Variants in P2RX4 observed in about 807,000 individuals in gnomAD.
P2RX4 encodes the protein P2X purinoceptor 4.
Under a neutral mutation model 48.0 loss-of-function variants are expected in P2RX4, and 37 were observed. That is an observed-to-expected ratio of 0.77 (90% CI 0.59 to 1.01). The LOEUF (loss-of-function observed/expected upper bound fraction) is 1.01, where lower values mean the gene tolerates loss of function less well. P2RX4 is among the 50% of genes least tolerant of loss of function. The pLI is 0.00. For synonymous variants in P2RX4, 200 were observed against 199.7 expected, an observed-to-expected ratio of 1.00 and a Z score of -0.01; for missense variants, 501 against 521.4, an observed-to-expected ratio of 0.96 and a Z score of 0.38.
chr12:121,232,685 T>G lies in P2RX4; in HGVS notation c.1044+9T>G. 6 of 1,609,278 alleles carry G rather than the reference T, an allele frequency of 3.7e-6. No individual in the cohort carries two copies. Among genetic ancestry groups the G allele is most frequent in the Non-Finnish European group, 5.1e-6 (6 of 1,175,672 alleles). Reference sequence around the variant, plus strand: ...TGGCACTGCTAGGCATGGTGAGTGGTTTAGGCCCTGCCTTCACCCTCACGG... The same window carrying G: ...TGGCACTGCTAGGCATGGTGAGTGGGTTAGGCCCTGCCTTCACCCTCACGG... On this transcript the variant is annotated intron_variant, in intron 10 of 11. Transcript: ENST00000337233. This position sits in a 1 kb window ranked among gnomAD's most constrained non-coding sequence, Gnocchi z 4.3.
intron 5 of P2RX4, among the ~76,000 whole-genome samples, chr12:121,226,232 T>G (rs1465318547): frequency 6.6e-6 from 1 of 152,048 alleles, no homozygotes. Context: ...AAATGATTTT[T>G]AAGTGCACAC....
At chr12:121,224,895 A>G (rs1046431051) in intron 5 of P2RX4, among the ~76,000 whole-genome samples, 1 of 152,078 alleles carries the variant, frequency 6.6e-6, no homozygotes, top group African/African-American at 2.4e-5. Flanking sequence ...GCTAAGGCAA[A>G]GGAAGGAGAT....
chr12:121,218,664 C>T (rs1006711377), intron 2 of P2RX4, among the ~76,000 whole-genome samples: 5 of 152,212 alleles, frequency 3.3e-5, no homozygotes, highest in South Asian at 2.1e-4. Context: ...GCACAAGCCC[C>T]GCTTTTGTCC....
At chr12:121,210,323 C>T in intron 1 of P2RX4, 25 bp downstream of exon 1, 1 of 1,491,838 alleles carries the variant, frequency 6.7e-7, no homozygotes. Context: ...GCGCGGGGGG[C>T]GCGGCGGGTG....
intron 2 of P2RX4, 63 bp downstream of exon 2, chr12:121,217,344 CTTGA>C: frequency 6.5e-7 from 1 of 1,537,948 alleles, no homozygotes; most frequent in South Asian, 1.1e-5. Context: ...ACTTTGCACA[CTTGA>C]TTAATGATTG....
At position 121,210,352 on chromosome 12, in the gene P2RX4, C is replaced by G. The variant is rs924496410; in HGVS notation, c.134+54C>G. 6 of 1,405,524 alleles carry G rather than the reference C, an allele frequency of 4.3e-6. No homozygotes were observed. The Middle Eastern group carries it at 7.8e-4, about 182-fold the overall frequency. 87.1% of individuals were successfully genotyped at this position (1,405,524 alleles called of 1,614,324 possible). ...GCGGGTGCTGCCCTCGCGTCCGCGCCGTGCGGCGGCTCATCCTGGCCTCGG... is the reference window on the plus strand; with the variant it reads ...GCGGGTGCTGCCCTCGCGTCCGCGCGGTGCGGCGGCTCATCCTGGCCTCGG... On this transcript the variant is annotated intron_variant, in intron 1 of 11. Coordinates refer to ENST00000337233, the MANE Select transcript of P2RX4 (RefSeq NM_002560.3).
Position 121,232,864 on chromosome 12 carries a change from T to C in P2RX4, c.1045-133T>C. The C allele has an allele frequency of 1.1e-6, 1 of 873,174 alleles. No homozygotes were observed. Among genetic ancestry groups the C allele is most frequent in the Non-Finnish European group, 1.9e-6 (1 of 514,140 alleles). 54.1% of individuals were successfully genotyped at this position (873,174 alleles called of 1,614,324 possible). On this transcript the variant is annotated intron_variant, in intron 10 of 11. Transcript: ENST00000337233. The surrounding 1 kb of genome is among the most constrained non-coding windows in gnomAD (Gnocchi z 4.3). ...AGACCACCCCCCTCAGGTCCCAGCC[T>C]TCTCCCAAGAGATGGGAGTGCCTTT...
intron 5 of P2RX4, among the ~76,000 whole-genome samples, chr12:121,225,497 G>A (rs76690485): frequency 0.041 from 6,201 of 152,090 alleles, 173 homozygotes; most frequent in South Asian, 0.12. Context: ...TGCAAGCTCC[G>A]CCTCCTGCGC....
chr12:121,222,025 C>T, intron 3 of P2RX4, 41 bp downstream of exon 3: 1 of 1,598,000 alleles, frequency 6.3e-7, no homozygotes, highest in Non-Finnish European at 8.6e-7. Context: ...CCACACCCCT[C>T]TCCACGCCTG....
chr12:121,217,492 G>A (rs1220639837), intron 2 of P2RX4, among the ~76,000 whole-genome samples: 1 of 152,190 alleles, frequency 6.6e-6, no homozygotes, highest in Non-Finnish European at 1.5e-5. Context: ...CAGCTTGAAA[G>A]CATGGCAGGC....
Position 121,228,594 on chromosome 12 carries a change from C to G in P2RX4, c.586C>G (p.Pro196Ala). Residue 196 changes from proline to alanine, a missense_variant, in exon 6 of 12, where the codon CCC (proline) becomes GCC (alanine). Coordinates refer to ENST00000337233, the MANE Select transcript of P2RX4 (RefSeq NM_002560.3). The part of the protein sequence containing the change: ...TLLVKNNIWY[P>A]KFNFSKRNIL... ...TTTGGTTAAGAACAACATCTGGTAT[C>G]CCAAATTTAATTTCAGCAAGTAAGT... 2 of 1,613,556 alleles carry G rather than the reference C, an allele frequency of 1.2e-6. No homozygotes were observed. The highest frequency in any genetic ancestry group is 1.1e-5 in the South Asian group (1 of 90,992).
At position 121,210,238 on chromosome 12, in the gene P2RX4, G is replaced by T; in HGVS notation, c.74G>T (p.Ser25Ile). ...ACGCCGCGCATCGTGCTCATCCGCA[G>T]CCGCAAAGTGGGGCTCATGAACCGC... is the stretch of plus-strand genomic sequence containing the variant. ...YDTPRIVLIR[S>I]RKVGLMNRAV... The change falls in exon 1 of 12, where the codon AGC becomes ATC. Residue 25 changes from serine (S) to isoleucine (I), a missense_variant. Transcript: ENST00000337233. The T allele has an allele frequency of 6.4e-7, 1 of 1,563,966 alleles. No homozygotes were observed. Among genetic ancestry groups the T allele is most frequent in the Non-Finnish European group, 8.6e-7 (1 of 1,159,324 alleles).
At chr12:121,228,116 G>A (rs932733547) in intron 5 of P2RX4, among the ~76,000 whole-genome samples, 4 of 151,752 alleles carry the variant, frequency 2.6e-5, no homozygotes, top group East Asian at 3.9e-4. Context: ...TAGGCTGGGC[G>A]TGATGGCTTA....
rs767411268 is a variant in P2RX4, at chr12:121,221,893, G to A, written c.283-20G>A. 3.5e-5 allele frequency: 56 copies of A among 1,612,840 alleles called. No individual in the cohort carries two copies. The highest frequency in any genetic ancestry group is 3.3e-4 in the Middle Eastern group (2 of 6,062). On this transcript the variant is annotated intron_variant, in intron 2 of 11. Coordinates refer to ENST00000337233, the MANE Select transcript of P2RX4 (RefSeq NM_002560.3). ...TGAGTCCTCTGAGCGTGGCTTGCCC[G>A]TGCTGTCTCCCCTCTGCAGGAGGAA...
In P2RX4 at chr12:121,229,202, C is replaced by A; in HGVS notation, c.884+103C>A. On this transcript the variant is annotated intron_variant, in intron 8 of 11. Coordinates refer to ENST00000337233, the MANE Select transcript of P2RX4 (RefSeq NM_002560.3). The surrounding 1 kb of genome is among the most constrained non-coding windows in gnomAD (Gnocchi z 4.6). ...GAAGACCAGCACTCAGGCAGCACCC[C>A]AAGGGCAGGCTGCCGGTCCCCCGTC... 7.1e-7 allele frequency: 1 copy of A among 1,398,900 alleles called. No homozygotes were observed. The highest frequency in any genetic ancestry group is 1.0e-6 in the Non-Finnish European group (1 of 995,144). 86.7% of individuals were successfully genotyped at this position (1,398,900 alleles called of 1,614,324 possible).
intron 4 of P2RX4, 196 bp downstream of exon 4, chr12:121,222,362 C>T (rs1886677652): frequency 3.6e-6 from 2 of 559,196 alleles, no homozygotes; most frequent in East Asian, 2.9e-5. Flanking sequence ...TCTTGCCCTA[C>T]TGTTTTTTTT....
intron 1 of P2RX4, chr12:121,212,810 A>AT (rs1885955801): frequency 6.4e-5 from 2 of 31,378 alleles, no homozygotes; most frequent in African/African-American, 2.9e-4. Context: ...ATATATATAT[A>AT]TATATATATA....
Position 121,228,534 on chromosome 12 carries a change from CCTG to C in P2RX4, c.529_531del (p.Ala177del), listed in dbSNP as rs766596439. 1 of 1,608,674 alleles carries C rather than the reference CCTG, an allele frequency of 6.2e-7. No individual in the cohort carries two copies. The highest frequency in any genetic ancestry group is 8.5e-7 in the Non-Finnish European group (1 of 1,177,044). The stretch of plus-strand genomic sequence containing the variant: ...AGTAATGTTATCATTGTTTTTCAGA[CCTG>C]CTTTTTTAAAGGCTGCAGAAAACTT... On this transcript the variant is annotated inframe_deletion and splice_region_variant, in exon 6 of 12. Transcript: ENST00000337233.
Position 121,210,215 on chromosome 12 carries a change from G to A in P2RX4, c.51G>A (p.Thr17=). 1 of 1,556,868 alleles carries A rather than the reference G, an allele frequency of 6.4e-7. No individual in the cohort carries two copies. Among genetic ancestry groups the A allele is most frequent in the East Asian group, 2.6e-5 (1 of 37,900 alleles). The part of the protein sequence containing the change: ...ALAAFLFEYD[T]PRIVLIRSRK... Reference sequence around the variant, plus strand: ...CGGCCTTCCTGTTCGAGTACGACACGCCGCGCATCGTGCTCATCCGCAGCC... The same window carrying A: ...CGGCCTTCCTGTTCGAGTACGACACACCGCGCATCGTGCTCATCCGCAGCC... The change falls in exon 1 of 12, where the codon ACG becomes ACA. Residue 17 remains threonine (T), a synonymous_variant. Coordinates refer to ENST00000337233, the MANE Select transcript of P2RX4 (RefSeq NM_002560.3).
Sources: gnomAD v4.1 joint callset for allele counts (sites outside exome capture counted in the v4.1 genomes callset) on GRCh38, gnomAD v4.1.1 for gene constraint, Gnocchi (gnomAD v3.1) non-coding constraint, MANE v1.5 for transcripts, NCBI Gene and HGNC (gene_info 2026-07-23, HGNC 2026-07-21) for gene names.